GRID2: variants seen among roughly 807,000 people sequenced by gnomAD.
GRID2 encodes the protein glutamate ionotropic receptor delta type subunit 2.
GRID2 carries 33 observed loss-of-function variants against 114.8 expected under a neutral mutation model. That is an observed-to-expected ratio of 0.29 (90% CI 0.22 to 0.38). The LOEUF is 0.38. Ranked by LOEUF, GRID2 falls within the 10% of genes least tolerant of loss-of-function variation. The probability of loss-of-function intolerance (pLI) is 1.00; values close to 1 mark genes in which losing one functional copy is unlikely to be tolerated. For missense variants in GRID2, 1,184 were observed against 1,257.7 expected, an observed-to-expected ratio of 0.94 and a Z score of 0.89; for synonymous variants, 505 against 449.9, an observed-to-expected ratio of 1.12 and a Z score of -1.55.
chr4:92,398,472 T>G (rs1275010570), intron 1 of GRID2, among the ~76,000 whole-genome samples: 1 of 152,094 alleles, frequency 6.6e-6, no homozygotes. Context: ...GGCTAGCTTT[T>G]GAATTTTTGG....
At chr4:92,440,929 TA>T (rs1733022376) in intron 1 of GRID2, among the ~76,000 whole-genome samples, 2 of 151,960 alleles carry the variant, frequency 1.3e-5, no homozygotes, top group African/African-American at 4.8e-5. Context: ...AAGCAGAAAG[TA>T]TATGAATCAG....
chr4:93,501,615 A>T (rs912449183), intron 12 of GRID2, among the ~76,000 whole-genome samples: 1 of 152,022 alleles, frequency 6.6e-6, no homozygotes, highest in Non-Finnish European at 1.5e-5. Context: ...TTTGGAAAAA[A>T]ATTAAAACTT....
At chr4:93,302,088 A>G (rs1033486268) in intron 8 of GRID2, among the ~76,000 whole-genome samples, 2 of 152,308 alleles carry the variant, frequency 1.3e-5, no homozygotes, top group Admixed American at 6.5e-5. Flanking sequence ...ATTACTTTCA[A>G]AGAAGAAAAA....
chr4:93,459,180 CAAAAAAAAAAAAAAAA>C (rs57937928), intron 11 of GRID2, among the ~76,000 whole-genome samples: 9 of 50,030 alleles, frequency 1.8e-4, no homozygotes, highest in Non-Finnish European at 3.2e-4. Flanking sequence ...AACTCCATCT[CAAAAAAAAAAAAAAAA>C]AAAAAAAAAA....
At chr4:92,570,066 T>C (rs1449132158) in intron 1 of GRID2, among the ~76,000 whole-genome samples, 1 of 152,168 alleles carries the variant, frequency 6.6e-6, no homozygotes, top group East Asian at 1.9e-4. Context: ...GCCTAGGTTT[T>C]CTTCAAGGGT....
intron 2 of GRID2, among the ~76,000 whole-genome samples, chr4:92,944,919 A>G (rs1329951783): frequency 1.3e-5 from 2 of 152,176 alleles, no homozygotes; most frequent in East Asian, 3.9e-4. Flanking sequence ...ACAGTTATGC[A>G]TGGGATATAA....
chr4:93,182,254 T>G lies in GRID2; in HGVS notation c.736-25150T>G, dbSNP rs1409685906. Among the ~76,000 whole-genome samples the G allele has an allele frequency of 2.6e-5, 4 of 152,272 alleles. No individual in the cohort carries two copies. In the East Asian group the frequency reaches 7.7e-4, roughly 29 times the overall value. ...AAATTGTCAAAATCTATTTTTTAGT[T>G]GAACTCATTGTGTAGATCACTTTAA... On this transcript the variant is annotated intron_variant, in intron 4 of 15. Transcript: ENST00000282020.
intron 2 of GRID2, among the ~76,000 whole-genome samples, chr4:92,722,510 G>A (rs907843314): frequency 6.6e-6 from 1 of 152,104 alleles, no homozygotes; most frequent in African/African-American, 2.4e-5. Flanking sequence ...AGAAACTATT[G>A]TGTACTGGAG....
intron 1 of GRID2, among the ~76,000 whole-genome samples, chr4:92,356,271 T>G (rs1728317303): frequency 6.6e-6 from 1 of 151,604 alleles, no homozygotes; most frequent in Non-Finnish European, 1.5e-5. Flanking sequence ...GATGCAAAAT[T>G]TAAAATTCTG....
At chr4:92,440,819 G>A (rs932359339) in intron 1 of GRID2, among the ~76,000 whole-genome samples, 1 of 152,166 alleles carries the variant, frequency 6.6e-6, no homozygotes, top group Non-Finnish European at 1.5e-5. Context: ...TGGGGGTCAA[G>A]TGTGGTATCA....
At position 93,627,317 on chromosome 4, in the gene GRID2, G is replaced by A. The variant is rs190154244; in HGVS notation, c.2360+882G>A. 2.1e-3 allele frequency among the ~76,000 whole-genome samples: 315 copies of A among 152,162 alleles called. 2 individuals carry two copies. Among genetic ancestry groups the A allele is most frequent in the African/African-American group, 7.3e-3 (302 of 41,520 alleles). On this transcript the variant is annotated intron_variant, in intron 14 of 15. Transcript: ENST00000282020. ...AGGCCCTAAATTTCAAACAACTTGA[G>A]TTATATTTCTCCAAATTTTAGGATA...
chr4:92,599,957 G>A (rs956871385), intron 2 of GRID2, among the ~76,000 whole-genome samples: 2 of 148,908 alleles, frequency 1.3e-5, no homozygotes, highest in African/African-American at 2.5e-5. Context: ...CCTGGGAGGT[G>A]GACATTGCAA....
intron 4 of GRID2, among the ~76,000 whole-genome samples, chr4:93,145,300 G>A (rs549618380): frequency 6.6e-6 from 1 of 152,082 alleles, no homozygotes; most frequent in African/African-American, 2.4e-5. Context: ...TTTCTAGCAC[G>A]TAGAGCAGTG....
intron 11 of GRID2, among the ~76,000 whole-genome samples, chr4:93,489,820 A>G (rs1176063848): frequency 6.6e-6 from 1 of 151,972 alleles, no homozygotes; most frequent in Non-Finnish European, 1.5e-5. Flanking sequence ...ATTTGGGAGT[A>G]AAATAAAATG....
At chr4:93,588,620 G>C (rs1312925723) in intron 13 of GRID2, among the ~76,000 whole-genome samples, 1 of 152,048 alleles carries the variant, frequency 6.6e-6, no homozygotes, top group Non-Finnish European at 1.5e-5. Context: ...TACCCACCCA[G>C]CTTCTCCACT....
intron 8 of GRID2, among the ~76,000 whole-genome samples, chr4:93,314,266 C>T (rs1463570643): frequency 1.4e-4 from 20 of 142,080 alleles, no homozygotes; most frequent in African/African-American, 8.0e-5. Context: ...GATCGTACAC[C>T]GCATTCCAGC....
chr4:93,048,177 G>A (rs1726344874), intron 2 of GRID2, among the ~76,000 whole-genome samples: 1 of 152,016 alleles, frequency 6.6e-6, no homozygotes, highest in Admixed American at 6.6e-5. Context: ...CTGTCAGCTG[G>A]CTAGCAGCTC....
chr4:92,960,387 T>A (rs1229482872), intron 2 of GRID2, among the ~76,000 whole-genome samples: 1 of 151,992 alleles, frequency 6.6e-6, no homozygotes, highest in Non-Finnish European at 1.5e-5. Flanking sequence ...AATAGCAGGT[T>A]TATCTATTTC....
Position 92,835,146 on chromosome 4 carries a change from C to T in GRID2, c.244+244860C>T, listed in dbSNP as rs868417611. 2.7e-5 allele frequency among the ~76,000 whole-genome samples: 4 copies of T among 147,888 alleles called. No individual in the cohort carries two copies. The East Asian group carries it at 8.0e-4, about 30-fold the overall frequency. ...TAAAATTTACTGTAAGGAGACAAAA[C>T]AAGGGTTGAGAATAATAAAAAATAC... On this transcript the variant is annotated intron_variant, in intron 2 of 15. Transcript: ENST00000282020.
Sources: gnomAD v4.1 joint callset for allele counts (sites outside exome capture counted in the v4.1 genomes callset) on GRCh38, gnomAD v4.1.1 for gene constraint, MANE v1.5 for transcripts, NCBI Gene and HGNC (gene_info 2026-07-23, HGNC 2026-07-21) for gene names.